The following RIPOR2 variants were observed in gnomAD, a reference collection of about 807,000 sequenced individuals.
RIPOR2 encodes the protein rho family-interacting cell polarization regulator 2.
Under a neutral mutation model 114.5 loss-of-function variants are expected in RIPOR2, and 39 were observed. The observed-to-expected ratio is 0.34, with a 90% CI of 0.26 to 0.44. RIPOR2 has a LOEUF of 0.44. Ranked by LOEUF, RIPOR2 falls within the 20% of genes least tolerant of loss-of-function variation. The pLI, the probability that RIPOR2 is intolerant of heterozygous loss-of-function variation, is 1.00. For synonymous variants in RIPOR2, 445 were observed against 484.4 expected, an observed-to-expected ratio of 0.92 and a Z score of 1.07; for missense variants, 1,007 against 1,255.1, an observed-to-expected ratio of 0.80 and a Z score of 2.99.
intron 1 of RIPOR2, among the ~76,000 whole-genome samples, chr6:24,960,720 G>A (rs948825439): frequency 2.0e-5 from 3 of 151,984 alleles, no homozygotes; most frequent in Admixed American, 1.3e-4. Context: ...TGTAGAGATG[G>A]GGTTTCTCCA....
intron 1 of RIPOR2, among the ~76,000 whole-genome samples, chr6:25,005,579 T>C (rs1480594607): frequency 6.6e-6 from 1 of 151,082 alleles, no homozygotes; most frequent in African/African-American, 2.4e-5. Context: ...GTGAACAAAG[T>C]CAGAGACATA....
At chr6:24,844,015 C>T (rs1429993646) in intron 12 of RIPOR2, among the ~76,000 whole-genome samples, 1 of 152,126 alleles carries the variant, frequency 6.6e-6, no homozygotes, top group African/African-American at 2.4e-5. Context: ...TTTTGTTCTG[C>T]TTCAATTCTC....
At position 24,839,182 on chromosome 6, in the gene RIPOR2, C is replaced by T. The variant is rs1761390443; in HGVS notation, c.1948G>A (p.Asp650Asn). 6.4e-7 allele frequency: 1 copy of T among 1,551,616 alleles called. No individual in the cohort carries two copies. The highest frequency in any genetic ancestry group is 8.7e-7 in the Non-Finnish European group (1 of 1,146,978). The change falls in exon 14 of 22, where the codon GAT (aspartate) becomes AAT (asparagine). Residue 650 changes from aspartate to asparagine, a missense_variant. Physicochemically the swap from Asp to Asn is conservative, Grantham distance 23. Coordinates refer to ENST00000643898, the MANE Select transcript of RIPOR2 (RefSeq NM_001286445.3). ...TCACCATCCTCCTCCTCGTCAAAATCAGAGGTGTTCAGGAAATCAAAGCTT... is the reference window on the plus strand; with the variant it reads ...TCACCATCCTCCTCCTCGTCAAAATTAGAGGTGTTCAGGAAATCAAAGCTT... ...LESFDFLNTS[D>N]FDEEEDGDEV...
chr6:24,966,572 T>C (rs1209358251), intron 1 of RIPOR2, among the ~76,000 whole-genome samples: 1 of 152,208 alleles, frequency 6.6e-6, no homozygotes, highest in African/African-American at 2.4e-5. Flanking sequence ...ACTGTAATCA[T>C]TGGCATTGTG....
Position 24,935,860 on chromosome 6 carries a change from T to C in RIPOR2, c.39A>G (p.Glu13=). The C allele has an allele frequency of 6.5e-7, 1 of 1,535,514 alleles. No individual in the cohort carries two copies. Among genetic ancestry groups the C allele is most frequent in the Non-Finnish European group, 8.7e-7 (1 of 1,146,760 alleles). Residue 13 remains glutamate (E), a synonymous_variant, in exon 1 of 22, where the codon GAA becomes GAG. Coordinates refer to ENST00000643898, the MANE Select transcript of RIPOR2 (RefSeq NM_001286445.3). ...FFDAEELLVD[E]EDDVFGEGLP... ...TACCTTCACCAAAAACATCATCCTC[T>C]TCATCGACCAGGAGCTCCTCAGCAT...
At chr6:25,024,471 C>G in intron 1 of RIPOR2, 1 of 859,492 alleles carries the variant, frequency 1.2e-6, no homozygotes, top group South Asian at 1.3e-5. Context: ...TCTCATGGAG[C>G]CTTTGCTGGA....
intron 1 of RIPOR2, among the ~76,000 whole-genome samples, chr6:25,033,549 T>C (rs1172021535): frequency 2.0e-5 from 3 of 152,376 alleles, no homozygotes; most frequent in Admixed American, 6.5e-5. Context: ...TGCTCATTGC[T>C]ATTGGGTATT....
chr6:24,949,644 G>T (rs1772645190), intron 1 of RIPOR2, among the ~76,000 whole-genome samples: 1 of 152,224 alleles, frequency 6.6e-6, no homozygotes, highest in African/African-American at 2.4e-5. Context: ...GCCAAAAACA[G>T]TATAAATATT....
At position 24,956,778 on chromosome 6, in the gene RIPOR2, C is replaced by T. The variant is rs561805615; in HGVS notation, c.77-80961G>A. On this transcript the variant is annotated intron_variant, in intron 1 of 13. Coordinates refer to the RIPOR2 transcript ENST00000510784. ...CATCAATAAATCTTGCTCTCTGTGC[C>T]TTGCTTGCAAATATCTACTCTAGCT... Among the ~76,000 whole-genome samples, 10 of 152,312 alleles carry T rather than the reference C, an allele frequency of 6.6e-5. No homozygotes were observed. The South Asian group carries it at 2.1e-3, about 32-fold the overall frequency.
intron 1 of RIPOR2, among the ~76,000 whole-genome samples, chr6:24,943,733 G>A (rs556582749): frequency 6.6e-6 from 1 of 152,060 alleles, no homozygotes; most frequent in African/African-American, 2.4e-5. Context: ...TGCAATCACA[G>A]TGAAAATCAA....
At chr6:24,872,795 A>G (rs192387231) in intron 4 of RIPOR2, 86 bp downstream of exon 4, 4 of 881,280 alleles carry the variant, frequency 4.5e-6, no homozygotes, top group African/African-American at 3.3e-5. Context: ...CTTTTCTCAA[A>G]CATTCCTCCC....
At chr6:25,029,222 A>G (rs1459445860) in intron 1 of RIPOR2, among the ~76,000 whole-genome samples, 1 of 152,008 alleles carries the variant, frequency 6.6e-6, no homozygotes, top group Admixed American at 6.5e-5. Context: ...CGGGAGGTGG[A>G]GGTTGCAGTG....
At chr6:24,951,444 T>C (rs1330182619) in intron 1 of RIPOR2, among the ~76,000 whole-genome samples, 3 of 151,976 alleles carry the variant, frequency 2.0e-5, no homozygotes, top group Non-Finnish European at 4.4e-5. Flanking sequence ...GAATAGGGGG[T>C]CTTCAAATTT....
At chr6:24,864,577 A>G (rs1426882020) in intron 7 of RIPOR2, among the ~76,000 whole-genome samples, 1 of 152,182 alleles carries the variant, frequency 6.6e-6, no homozygotes, top group Non-Finnish European at 1.5e-5. Context: ...TGATCTCTGA[A>G]CAAAGACTCA....
intron 1 of RIPOR2, among the ~76,000 whole-genome samples, chr6:24,967,244 C>A (rs796966183): frequency 2.0e-5 from 3 of 152,276 alleles, no homozygotes; most frequent in African/African-American, 7.2e-5. Context: ...CATGTGAGCT[C>A]ATTTTCACAG....
At chr6:25,019,774 C>CAAAAAAAAAAAAAA (rs34107737) in intron 1 of RIPOR2, among the ~76,000 whole-genome samples, 11 of 53,080 alleles carry the variant, frequency 2.1e-4, no homozygotes, top group African/African-American at 5.3e-4. Flanking sequence ...GACTCTGTCT[C>CAAAAAAAAAAAAAA]AAAAAAAAAA....
At chr6:25,008,944 G>T (rs1057487246) in intron 1 of RIPOR2, among the ~76,000 whole-genome samples, 2 of 152,256 alleles carry the variant, frequency 1.3e-5, no homozygotes, top group African/African-American at 4.8e-5. Context: ...GCAGGGAGAG[G>T]TCAATAGCTT....
intron 15 of RIPOR2, among the ~76,000 whole-genome samples, chr6:24,835,342 G>T (rs1283145097): frequency 3.3e-5 from 5 of 152,192 alleles, no homozygotes; most frequent in Non-Finnish European, 7.3e-5. Flanking sequence ...TGACATTCAT[G>T]TTAATATATA....
intron 8 of RIPOR2, among the ~76,000 whole-genome samples, chr6:24,854,613 C>T (rs1393359255): frequency 6.6e-6 from 1 of 151,886 alleles, no homozygotes; most frequent in Non-Finnish European, 1.5e-5. Flanking sequence ...TTCCTTGGGG[C>T]CTAAAGACTA....
Sources: allele counts gnomAD v4.1 joint callset (sites outside exome capture counted in the v4.1 genomes callset), GRCh38; gene constraint gnomAD v4.1.1; transcripts MANE v1.5; gene names NCBI Gene and HGNC (gene_info 2026-07-23, HGNC 2026-07-21).